Variants in TINAG observed in about 807,000 individuals in gnomAD.
TINAG encodes the protein tubulointerstitial nephritis antigen.
In TINAG, 83 loss-of-function variants were observed where a neutral mutation model predicts 72.7. The ratio of observed to expected loss-of-function variants is 1.14; its 90% CI spans 0.96 to 1.37. The LOEUF (loss-of-function observed/expected upper bound fraction) is 1.37. Among genes scored for constraint, TINAG ranks in the 40% most tolerant of loss-of-function variants. The pLI, the probability that TINAG is intolerant of heterozygous loss-of-function variation, is 0.00. For synonymous variants in TINAG, 234 were observed against 189.9 expected (o/e 1.23, Z -1.91); for missense variants, 685 against 576.6 (o/e 1.19, Z -1.93).
chr6:54,314,130 G>T (rs1235614833), intron 1 of TINAG, among the ~76,000 whole-genome samples: 1 of 152,160 alleles, frequency 6.6e-6, no homozygotes, highest in African/African-American at 2.4e-5. Flanking sequence ...TATTAAAATG[G>T]TTAAATGTTT....
chr6:54,364,791 T>G (rs1263720127), intron 9 of TINAG, among the ~76,000 whole-genome samples: 1 of 151,350 alleles, frequency 6.6e-6, no homozygotes, highest in Non-Finnish European at 1.5e-5. Context: ...TATCTATCTA[T>G]CATCTGTCTA....
chr6:54,388,573 T>C (rs1377157662), intron 10 of TINAG, among the ~76,000 whole-genome samples: 4 of 152,080 alleles, frequency 2.6e-5, no homozygotes, highest in African/African-American at 7.2e-5. Context: ...GTAGGGTAAA[T>C]GGGAGGCGAG....
chr6:54,349,626 T>C, intron 6 of TINAG, 90 bp from the exon 7 acceptor site: 2 of 1,198,956 alleles, frequency 1.7e-6, no homozygotes, highest in Non-Finnish European at 2.2e-6. Context: ...GAATAATTTA[T>C]GAATGTTTAA....
At position 54,335,077 on chromosome 6, in the gene TINAG, C is replaced by T. The variant is rs557180690; in HGVS notation, c.625-8149C>T. Among the ~76,000 whole-genome samples the T allele has an allele frequency of 3.6e-4, 55 of 152,206 alleles. No individual in the cohort carries two copies. In the South Asian group the frequency reaches 0.011, roughly 31 times the overall value. Reference sequence around the variant, plus strand: ...TTTCACTTGCTTTTATTGAGGGCCACGGTGGGCCACACACTCACTTATGTG... The same window carrying T: ...TTTCACTTGCTTTTATTGAGGGCCATGGTGGGCCACACACTCACTTATGTG... On this transcript the variant is annotated intron_variant, in intron 4 of 10. Transcript: ENST00000259782.
intron 3 of TINAG, among the ~76,000 whole-genome samples, chr6:54,322,289 C>CG (rs1562149751): frequency 6.6e-6 from 1 of 151,526 alleles, no homozygotes; most frequent in Non-Finnish European, 1.5e-5. Flanking sequence ...GCATGGGAAT[C>CG]GGGGGGTGAA....
rs375891597 is a variant in TINAG at position 54,317,587 on chromosome 6, C to A, written c.356-2992C>A. Among the ~76,000 whole-genome samples the A allele has an allele frequency of 2.0e-5, 3 of 152,104 alleles. No individual in the cohort carries two copies. The East Asian group carries it at 5.8e-4, about 29-fold the overall frequency. ...CATGTGGAACTGTGAGTCTATTAAACCTCTTTCTTTTGTAAATTACTCAGT... is the reference window on the plus strand; with the variant it reads ...CATGTGGAACTGTGAGTCTATTAAAACTCTTTCTTTTGTAAATTACTCAGT... On this transcript the variant is annotated intron_variant, in intron 1 of 10. Transcript: ENST00000259782.
At chr6:54,326,401 T>G (rs1161490017) in intron 3 of TINAG, among the ~76,000 whole-genome samples, 1 of 152,024 alleles carries the variant, frequency 6.6e-6, no homozygotes, top group Non-Finnish European at 1.5e-5. Context: ...CTTGTCAATT[T>G]CTTTTCAAAT....
At chr6:54,310,826 CTCTT>C (rs1330093875) in intron 1 of TINAG, among the ~76,000 whole-genome samples, 1 of 139,790 alleles carries the variant, frequency 7.2e-6, no homozygotes, top group Non-Finnish European at 1.5e-5. Context: ...CTCTTTCTTT[CTCTT>C]TCTTTTTTCT....
chr6:54,377,285 G>A (rs1163367038), intron 9 of TINAG, among the ~76,000 whole-genome samples: 1 of 152,002 alleles, frequency 6.6e-6, no homozygotes, highest in Non-Finnish European at 1.5e-5. Flanking sequence ...GCCGAGGCGG[G>A]AGTATCACTT....
chr6:54,309,942 G>A (rs532619639), intron 1 of TINAG, among the ~76,000 whole-genome samples: 6 of 151,472 alleles, frequency 4.0e-5, no homozygotes, highest in East Asian at 1.9e-4. Context: ...GTCTACATAC[G>A]TATTATTTTA....
chr6:54,382,624 C>T (rs191833260), intron 10 of TINAG, among the ~76,000 whole-genome samples: 1 of 151,960 alleles, frequency 6.6e-6, no homozygotes, highest in Admixed American at 6.6e-5. Flanking sequence ...ACTAGAGATA[C>T]AACACCTGGG....
chr6:54,322,432 G>A (rs1199534223), intron 3 of TINAG, among the ~76,000 whole-genome samples: 1 of 152,024 alleles, frequency 6.6e-6, no homozygotes, highest in African/African-American at 2.4e-5. Context: ...ATCTGCTTCA[G>A]GATTTCTCCA....
intron 9 of TINAG, among the ~76,000 whole-genome samples, chr6:54,357,604 C>T (rs1763094179): frequency 6.6e-6 from 1 of 151,874 alleles, no homozygotes; most frequent in Admixed American, 6.6e-5. Context: ...GCCTTGGAGT[C>T]ATCCTTTATT....
chr6:54,367,440 G>T (rs41413844), intron 9 of TINAG, among the ~76,000 whole-genome samples: 8,694 of 151,866 alleles, frequency 0.057, 471 homozygotes, highest in East Asian at 0.3. Flanking sequence ...AGTGCACATA[G>T]TCTAATAGTG....
intron 1 of TINAG, among the ~76,000 whole-genome samples, chr6:54,320,132 T>G (rs1436240124): frequency 1.3e-5 from 2 of 152,142 alleles, no homozygotes; most frequent in African/African-American, 4.8e-5. Flanking sequence ...GTAAATTCAA[T>G]GAAATGACCT....
intron 4 of TINAG, among the ~76,000 whole-genome samples, chr6:54,341,745 TAAATTGGTAA>T (rs1332010990): frequency 6.6e-6 from 1 of 152,154 alleles, no homozygotes; most frequent in African/African-American, 2.4e-5. Context: ...ACAAAACTTT[TAAATTGGTAA>T]AAATTTTTAA....
chr6:54,320,406 G>A, intron 1 of TINAG, among the ~76,000 whole-genome samples, 173 bp from the exon 2 acceptor site: 1 of 152,102 alleles, frequency 6.6e-6, no homozygotes, highest in Non-Finnish European at 1.5e-5. Flanking sequence ...AAGCACAGAA[G>A]AATTCGATAT....
intron 4 of TINAG, among the ~76,000 whole-genome samples, chr6:54,337,840 G>C (rs1277339981): frequency 6.6e-6 from 1 of 152,204 alleles, no homozygotes; most frequent in African/African-American, 2.4e-5. Flanking sequence ...GAGGGGAAGA[G>C]AGGCAGGGCC....
chr6:54,322,033 G>A (rs1292642021), intron 3 of TINAG, among the ~76,000 whole-genome samples: 1 of 152,148 alleles, frequency 6.6e-6, no homozygotes, highest in Admixed American at 6.5e-5. Flanking sequence ...CCGGCGAGGT[G>A]GCTTATGCCT....
Sources: gnomAD v4.1 joint callset for allele counts (sites outside exome capture counted in the v4.1 genomes callset) on GRCh38, gnomAD v4.1.1 for gene constraint, MANE v1.5 for transcripts, NCBI Gene and HGNC (gene_info 2026-07-23, HGNC 2026-07-21) for gene names.